The following CTNNA2 variants were observed in gnomAD, a reference collection of about 807,000 sequenced individuals.
The protein encoded by CTNNA2 is catenin alpha-2.
In CTNNA2, 42 loss-of-function variants were observed where a neutral mutation model predicts 101.0. The ratio of observed to expected loss-of-function variants is 0.42; its 90% CI spans 0.32 to 0.54. The LOEUF (loss-of-function observed/expected upper bound fraction) is 0.54. CTNNA2 is among the 20% of genes least tolerant of loss of function. CTNNA2 has a pLI of 0.14. For missense variants in CTNNA2, 871 were observed against 1,223.1 expected, an observed-to-expected ratio of 0.71 and a Z score of 4.29; for synonymous variants, 450 against 456.4, an observed-to-expected ratio of 0.99 and a Z score of 0.18.
intron 9 of CTNNA2, among the ~76,000 whole-genome samples, chr2:80,534,898 T>C (rs1690866838): frequency 6.6e-6 from 1 of 152,136 alleles, no homozygotes; most frequent in Non-Finnish European, 1.5e-5. Context: ...TAGCAAACAT[T>C]GGAGACTCCC....
intron 4 of CTNNA2, among the ~76,000 whole-genome samples, chr2:79,417,285 A>C (rs903798927): frequency 6.6e-6 from 1 of 152,170 alleles, no homozygotes; most frequent in African/African-American, 2.4e-5. Context: ...AGAAGTTCTC[A>C]TCTCAGCCCA....
At chr2:79,615,014 A>C (rs1343158837) in intron 1 of CTNNA2, among the ~76,000 whole-genome samples, 1 of 152,202 alleles carries the variant, frequency 6.6e-6, no homozygotes, top group Non-Finnish European at 1.5e-5. Flanking sequence ...GAGACTCATT[A>C]ACCAGTGTGT....
At chr2:79,999,936 C>T (rs768565161) in intron 7 of CTNNA2, among the ~76,000 whole-genome samples, 43 of 151,816 alleles carry the variant, frequency 2.8e-4, no homozygotes, top group African/African-American at 8.0e-4. Flanking sequence ...AATGTATAGA[C>T]GAGAAAGAGA....
chr2:80,242,949 C>T (rs2149093621), intron 7 of CTNNA2, among the ~76,000 whole-genome samples: 1 of 152,212 alleles, frequency 6.6e-6, no homozygotes, highest in Non-Finnish European at 1.5e-5. Flanking sequence ...AGCAAAGGGC[C>T]AGAAACAGTT....
At chr2:80,289,938 G>C (rs551579780) in intron 7 of CTNNA2, among the ~76,000 whole-genome samples, 16 of 152,166 alleles carry the variant, frequency 1.1e-4, no homozygotes, top group Non-Finnish European at 2.2e-4. Flanking sequence ...CTGTGGAGGA[G>C]AGTTTGAAGG....
chr2:80,113,250 T>C (rs1001787836), intron 7 of CTNNA2, among the ~76,000 whole-genome samples: 1 of 152,246 alleles, frequency 6.6e-6, no homozygotes, highest in African/African-American at 2.4e-5. Context: ...TGGATCTTCA[T>C]GTGGGAATAA....
rs1165012606 is a variant in CTNNA2, at chr2:79,737,603, C to T, written c.103-6784C>T. Among the ~76,000 whole-genome samples the T allele has an allele frequency of 6.6e-5, 10 of 152,180 alleles. No homozygotes were observed. The East Asian group carries it at 1.9e-3, about 29-fold the overall frequency. On this transcript the variant is annotated intron_variant, in intron 2 of 18. Coordinates refer to ENST00000402739, the MANE Select transcript of CTNNA2 (RefSeq NM_001282597.3). ...GGAAAATAATTGTGCCAAATTTTAG[C>T]GTTTCTTATATTTTAATGTGCATAT...
At chr2:79,293,881 G>A (rs554810850) in intron 2 of CTNNA2, among the ~76,000 whole-genome samples, 3 of 152,156 alleles carry the variant, frequency 2.0e-5, no homozygotes, top group South Asian at 4.2e-4. Flanking sequence ...ATGTGACCTC[G>A]GATAAGTCTG....
chr2:80,133,922 A>G (rs1702551794), intron 7 of CTNNA2, among the ~76,000 whole-genome samples: 1 of 152,150 alleles, frequency 6.6e-6, no homozygotes, highest in Admixed American at 6.6e-5. Context: ...CAACTCTGTG[A>G]CCCCTGTTCC....
At chr2:80,029,412 T>C (rs952254656) in intron 7 of CTNNA2, 5 of 152,176 alleles carry the variant, frequency 3.3e-5, no homozygotes, top group African/African-American at 1.2e-4. Context: ...TCACCTCAAT[T>C]ATAAATTTAC....
rs984833294 is a variant in CTNNA2, at chr2:80,484,270, A to G, written c.1291-60712A>G. Among the ~76,000 whole-genome samples, 7 of 152,188 alleles carry G rather than the reference A, an allele frequency of 4.6e-5. No individual in the cohort carries two copies. In the South Asian group the frequency reaches 6.2e-4, roughly 14 times the overall value. ...TGATACTGATTTATAACACGTACCTATGATAATCCAGACATGTAGCAGATG... is the reference window on the plus strand; with the variant it reads ...TGATACTGATTTATAACACGTACCTGTGATAATCCAGACATGTAGCAGATG... On this transcript the variant is annotated intron_variant, in intron 9 of 18. Transcript: ENST00000402739.
At chr2:79,271,056 A>C (rs894115909) in intron 2 of CTNNA2, among the ~76,000 whole-genome samples, 4 of 152,152 alleles carry the variant, frequency 2.6e-5, no homozygotes, top group African/African-American at 9.6e-5. Flanking sequence ...CCATGGCATG[A>C]GGCAGAAGTC....
chr2:80,377,454 A>G lies in CTNNA2; in HGVS notation c.1057-15757A>G, dbSNP rs13428093. On this transcript the variant is annotated intron_variant, in intron 7 of 18. Coordinates refer to ENST00000402739, the MANE Select transcript of CTNNA2 (RefSeq NM_001282597.3). ...AGGCATTATTTTCACTATTCTGCAGATGAGAACTGAGATTCAGTGAGTTTA... is the reference window on the plus strand; with the variant it reads ...AGGCATTATTTTCACTATTCTGCAGGTGAGAACTGAGATTCAGTGAGTTTA... 5.8e-3 allele frequency among the ~76,000 whole-genome samples: 882 copies of G among 152,316 alleles called. 5 individuals carry two copies. The highest frequency in any genetic ancestry group is 0.02 in the African/African-American group (828 of 41,558).
At chr2:79,448,278 A>G (rs1678854835) in intron 4 of CTNNA2, among the ~76,000 whole-genome samples, 3 of 152,158 alleles carry the variant, frequency 2.0e-5, no homozygotes, top group South Asian at 4.1e-4. Flanking sequence ...TTTTAAAGAC[A>G]TTTATTATAT....
chr2:79,442,867 C>T (rs1422607124), intron 4 of CTNNA2, among the ~76,000 whole-genome samples: 1 of 152,078 alleles, frequency 6.6e-6, no homozygotes, highest in African/African-American at 2.4e-5. Context: ...GGCCTTCCTG[C>T]AGTACTCCCT....
chr2:79,333,888 G>A (rs992564498), intron 3 of CTNNA2, among the ~76,000 whole-genome samples: 5 of 151,956 alleles, frequency 3.3e-5, no homozygotes, highest in Admixed American at 6.6e-5. Context: ...AATTTTTAAA[G>A]CATTTTTTAT....
Position 79,203,483 on chromosome 2 carries a change from A to G in CTNNA2, c.-406+5407A>G, listed in dbSNP as rs571926637. Among the ~76,000 whole-genome samples the G allele has an allele frequency of 7.9e-5, 12 of 152,314 alleles. No homozygotes were observed. The East Asian group carries it at 2.1e-3, about 27-fold the overall frequency. ...TTTTCCACAGTGGGGAGGGAAGCCAATGGAAATGCTGCTGGATAAGACACA... is the reference window on the plus strand; with the variant it reads ...TTTTCCACAGTGGGGAGGGAAGCCAGTGGAAATGCTGCTGGATAAGACACA... On this transcript the variant is annotated intron_variant, in intron 2 of 21. Transcript: ENST00000466387.
intron 17 of CTNNA2, among the ~76,000 whole-genome samples, chr2:80,613,981 AT>A (rs1463408402): frequency 6.6e-6 from 1 of 151,536 alleles, no homozygotes; most frequent in Non-Finnish European, 1.5e-5. Context: ...ATTACTTGTC[AT>A]TCAATCAGTA....
intron 7 of CTNNA2, among the ~76,000 whole-genome samples, chr2:80,311,254 T>A (rs1384540582): frequency 6.6e-6 from 1 of 152,190 alleles, no homozygotes; most frequent in Non-Finnish European, 1.5e-5. Context: ...ATGAGGATTT[T>A]AAAAAAACTA....
Sources: gnomAD v4.1 joint callset for allele counts (sites outside exome capture counted in the v4.1 genomes callset) on GRCh38, gnomAD v4.1.1 for gene constraint, MANE v1.5 for transcripts, NCBI Gene and HGNC (gene_info 2026-07-23, HGNC 2026-07-21) for gene names.